Variants in TNKS1BP1 observed in about 807,000 individuals in gnomAD.
TNKS1BP1 encodes the protein CCR4-NOT transcription complex subunit 12.
In TNKS1BP1, 48 loss-of-function variants were observed where a neutral mutation model predicts 141.1. The ratio of observed to expected loss-of-function variants is 0.34; its 90% CI spans 0.27 to 0.43. The LOEUF is 0.43. TNKS1BP1 is among the 20% of genes least tolerant of loss of function. The pLI is 1.00. For missense variants in TNKS1BP1, 2,149 were observed against 2,226.0 expected, an observed-to-expected ratio of 0.97 and a Z score of 0.70; for synonymous variants, 875 against 898.2, an observed-to-expected ratio of 0.97 and a Z score of 0.46.
Position 57,308,898 on chromosome 11 carries a change from T to G in TNKS1BP1, c.3813A>C (p.Ser1271=), listed in dbSNP as rs374814404. 1.2e-6 allele frequency: 2 copies of G among 1,613,822 alleles called. No individual in the cohort carries two copies. The highest frequency in any genetic ancestry group is 2.7e-5 in the African/African-American group (2 of 75,004). Residue 1271 remains serine (S), a synonymous_variant, in exon 6 of 12, where the codon TCA becomes TCC. Transcript: ENST00000358252. ...CTGCCTGTCCAACTCCACGCTCCCT[T>G]GATTTAAGGAACTCTCCGGCCTCCA... The part of the protein sequence containing the change: ...SGVEAGEFLK[S]RERGVGQADW...
Position 57,317,878 on chromosome 11 carries a change from A to G in TNKS1BP1, c.738T>C (p.Pro246=). 1 of 1,613,858 alleles carries G rather than the reference A, an allele frequency of 6.2e-7. No individual in the cohort carries two copies. Among genetic ancestry groups the G allele is most frequent in the South Asian group, 1.1e-5 (1 of 91,074 alleles). The change falls in exon 4 of 12, where the codon CCT becomes CCC. Residue 246 remains proline (P), a synonymous_variant. Coordinates refer to ENST00000358252, the MANE Select transcript of TNKS1BP1 (RefSeq NM_033396.3). ...HSKTPEERSL[P]SDLAFNGDLA... is the part of the protein sequence containing the mutation. ...GGTCCCCGTTGAAGGCCAGGTCGGA[A>G]GGAAGGCTCCTGTGAGGGACGAGGA... is the stretch of plus-strand genomic sequence containing the variant.
chr11:57,303,065 C>G (rs1359966098), intron 6 of TNKS1BP1: 5 of 451,006 alleles, frequency 1.1e-5, no homozygotes, highest in African/African-American at 7.9e-5. Context: ...CCCCTGGAAA[C>G]AGCTCAGGCT....
chr11:57,322,227 C>A (rs1330658279), intron 1 of TNKS1BP1: 1 of 1,099,844 alleles, frequency 9.1e-7, no homozygotes, highest in African/African-American at 1.6e-5. Context: ...CTCCAAGACA[C>A]CCCACTTACA....
At chr11:57,307,351 C>T (rs951384342) in intron 6 of TNKS1BP1, among the ~76,000 whole-genome samples, 1 of 152,138 alleles carries the variant, frequency 6.6e-6, no homozygotes, top group Non-Finnish European at 1.5e-5. Flanking sequence ...TCAGTGGTTC[C>T]CTGTGCTCCG....
Position 57,309,548 on chromosome 11 carries a change from G to T in TNKS1BP1, c.3163C>A (p.Gln1055Lys). The T allele has an allele frequency of 6.2e-7, 1 of 1,613,340 alleles. No homozygotes were observed. Among genetic ancestry groups the T allele is most frequent in the Non-Finnish European group, 8.5e-7 (1 of 1,180,016 alleles). The change falls in exon 6 of 12, where the codon CAG becomes AAG. Residue 1055 changes from glutamine (Q) to lysine (K), a missense_variant. Coordinates refer to ENST00000358252, the MANE Select transcript of TNKS1BP1 (RefSeq NM_033396.3). The surrounding 1 kb of genome is among the most constrained non-coding windows in gnomAD (Gnocchi z 4.3). ...QSSWQNSDASQEVGGHQERQQ... is the reference protein window; with the variant it reads ...QSSWQNSDASKEVGGHQERQQ... ...CTCTCCTGATGCCCTCCCACCTCCT[G>T]GCTAGCATCACTGTTTTGCCAGCTG...
rs534545706 is a variant in TNKS1BP1, at chr11:57,302,928, T to A, written c.4317-103A>T. 3,403 of 1,349,300 alleles carry A rather than the reference T, an allele frequency of 2.5e-3. 8 individuals carry two copies. Among genetic ancestry groups the A allele is most frequent in the Non-Finnish European group, 3.1e-3 (3,154 of 1,027,998 alleles). The allele number at this position is 1,349,300 out of a possible 1,614,324, so 83.6% of individuals were successfully genotyped here. ...TTCCCCCAGCCCCCAAACTCTCCCTTGCCCTCCTTCCCATGCTTTTTCCAG... is the reference window on the plus strand; with the variant it reads ...TTCCCCCAGCCCCCAAACTCTCCCTAGCCCTCCTTCCCATGCTTTTTCCAG... On this transcript the variant is annotated intron_variant, in intron 6 of 11. Coordinates refer to ENST00000358252, the MANE Select transcript of TNKS1BP1 (RefSeq NM_033396.3). The surrounding 1 kb of genome is among the most constrained non-coding windows in gnomAD (Gnocchi z 5.5).
chr11:57,319,144 C>CAAA (rs558416849), intron 3 of TNKS1BP1, among the ~76,000 whole-genome samples: 3 of 64,278 alleles, frequency 4.7e-5, no homozygotes, highest in Admixed American at 1.7e-4. Flanking sequence ...GACTCCGTCT[C>CAAA]AAAAAAAAAA....
At chr11:57,303,298 C>T (rs935260827) in intron 6 of TNKS1BP1, 2 of 155,044 alleles carry the variant, frequency 1.3e-5, no homozygotes, top group African/African-American at 4.8e-5. Flanking sequence ...TCTTCAGCCC[C>T]CACGTTATGC....
chr11:57,321,744 T>TGCCACCCCCCC, intron 2 of TNKS1BP1, 48 bp downstream of exon 2: 2 of 1,039,820 alleles, frequency 1.9e-6, no homozygotes, highest in Non-Finnish European at 3.0e-6. Context: ...CCTCTGTCCT[T>TGCCACCCCCCC]CCCACCCCCC....
In TNKS1BP1 at chr11:57,300,508, G is replaced by C. The variant is rs1197901776; in HGVS notation, c.*12+20C>G. On this transcript the variant is annotated intron_variant, in intron 11 of 11. Transcript: ENST00000358252. ...CAGGCCCTCCTCAGACTGGATCCAA[G>C]CCCAGGAACCTGTCCTCACCTCAGT... 1.9e-6 allele frequency: 3 copies of C among 1,613,440 alleles called. No homozygotes were observed. Among genetic ancestry groups the C allele is most frequent in the South Asian group, 2.2e-5 (2 of 91,066 alleles).
intron 9 of TNKS1BP1, among the ~76,000 whole-genome samples, chr11:57,301,500 C>T (rs1219604615): frequency 6.6e-6 from 1 of 152,216 alleles, no homozygotes; most frequent in Non-Finnish European, 1.5e-5. Context: ...TTATCTGTGC[C>T]TCTCCTCAGG....
Position 57,308,613 on chromosome 11 carries a change from C to G in TNKS1BP1, c.4098G>C (p.Gly1366=). 5 of 1,613,938 alleles carry G rather than the reference C, an allele frequency of 3.1e-6. No individual in the cohort carries two copies. The highest frequency in any genetic ancestry group is 4.2e-6 in the Non-Finnish European group (5 of 1,179,980). ...FGAPSEAREH[G]VGGVSQCPEP... ...CTGGGCACTGGCTCACCCCGCCCAC[C>G]CCATGCTCCCTGGCTTCACTTGGAG... is the stretch of plus-strand genomic sequence containing the variant. Residue 1366 remains glycine (G), a synonymous_variant, in exon 6 of 12, where the codon GGG becomes GGC. Transcript: ENST00000358252.
chr11:57,312,986 G>A lies in TNKS1BP1; in HGVS notation c.1702C>T (p.Pro568Ser), dbSNP rs1376613640. 6.2e-7 allele frequency: 1 copy of A among 1,613,938 alleles called. No individual in the cohort carries two copies. The highest frequency in any genetic ancestry group is 1.1e-5 in the South Asian group (1 of 91,050). Reference protein sequence around the residue: ...GESQPQFPAVPLEPLPTTEGT... With the variant: ...GESQPQFPAVSLEPLPTTEGT... ...TCAGTTGTAGGCAGGGGCTCAAGGG[G>A]AACAGCTGGGAATTGAGGTTGACTC... Residue 568 changes from proline (P) to serine (S), a missense_variant, in exon 5 of 12, where the codon CCC (proline) becomes TCC (serine). Pro to Ser is a moderately conservative substitution (Grantham distance 74, BLOSUM62 -1). Transcript: ENST00000358252.
Position 57,320,270 on chromosome 11 carries a change from G to C in TNKS1BP1, c.537C>G (p.Pro179=). 6.2e-7 allele frequency: 1 copy of C among 1,614,152 alleles called. No individual in the cohort carries two copies. The highest frequency in any genetic ancestry group is 8.5e-7 in the Non-Finnish European group (1 of 1,180,024). ...EQPRKEVLAS[P]DRLWGSRLTF... The stretch of plus-strand genomic sequence containing the variant: ...TGAGGCGGGAACCCCACAGGCGGTC[G>C]GGGCTGGCAAGGACCTCCTTCCGAG... Residue 179 remains proline (P), a synonymous_variant, in exon 3 of 12, where the codon CCC becomes CCG. Transcript: ENST00000358252.
Position 57,309,576 on chromosome 11 carries a change from C to G in TNKS1BP1, c.3135G>C (p.Gln1045His), listed in dbSNP as rs991272161. 1 of 1,613,512 alleles carries G rather than the reference C, an allele frequency of 6.2e-7. No homozygotes were observed. Among genetic ancestry groups the G allele is most frequent in the Non-Finnish European group, 8.5e-7 (1 of 1,180,044 alleles). ...TAGCATCACTGTTTTGCCAGCTGCT[C>G]TGGTCTCTCTGCCCGAGTGCCCCAT... ...VPDGALGQRD[Q>H]SSWQNSDASQ... is the part of the protein sequence containing the mutation. The change falls in exon 6 of 12, where the codon CAG becomes CAC. Residue 1045 changes from glutamine (Q) to histidine (H), a missense_variant. By Grantham distance (24) the Gln-to-His change is conservative. Coordinates refer to ENST00000358252, the MANE Select transcript of TNKS1BP1 (RefSeq NM_033396.3). The surrounding 1 kb of genome is among the most constrained non-coding windows in gnomAD (Gnocchi z 4.3).
At chr11:57,306,558 G>A (rs141261764) in intron 6 of TNKS1BP1, among the ~76,000 whole-genome samples, 58 of 152,180 alleles carry the variant, frequency 3.8e-4, no homozygotes, top group African/African-American at 1.2e-3. Flanking sequence ...CAAGCCCCTC[G>A]AACTCCTCTC....
rs777704747 is a variant in TNKS1BP1, at chr11:57,309,361, G to C, written c.3350C>G (p.Ala1117Gly). The C allele has an allele frequency of 6.2e-7, 1 of 1,613,996 alleles. No homozygotes were observed. The highest frequency in any genetic ancestry group is 1.3e-5 in the African/African-American group (1 of 74,918). ...GCCAAACTGATAGCTCCTCTCACTG[G>C]CCTCGATGCAGAAGTCCCGGCTCCA... ...QDWSRDFCIE[A>G]SERSYQFGII... is the part of the protein sequence containing the mutation. The change falls in exon 6 of 12, where the codon GCC (alanine) becomes GGC (glycine). Residue 1117 changes from alanine (A) to glycine (G), a missense_variant. By Grantham distance (60) the Ala-to-Gly change is moderately conservative. Transcript: ENST00000358252. This position sits in a 1 kb window ranked among gnomAD's most constrained non-coding sequence, Gnocchi z 4.3.
chr11:57,314,997 C>T (rs1590591254), intron 4 of TNKS1BP1, among the ~76,000 whole-genome samples: 1 of 152,176 alleles, frequency 6.6e-6, no homozygotes, highest in South Asian at 2.1e-4. Context: ...GACCCTTACG[C>T]ACCCATCATT....
Position 57,320,269 on chromosome 11 carries a change from C to A in TNKS1BP1, c.538G>T (p.Asp180Tyr), listed in dbSNP as rs748049254. 1 of 1,614,190 alleles carries A rather than the reference C, an allele frequency of 6.2e-7. No homozygotes were observed. The highest frequency in any genetic ancestry group is 8.5e-7 in the Non-Finnish European group (1 of 1,180,038). Residue 180 changes from aspartate to tyrosine, a missense_variant, in exon 3 of 12, where the codon GAC (aspartate) becomes TAC (tyrosine). Coordinates refer to ENST00000358252, the MANE Select transcript of TNKS1BP1 (RefSeq NM_033396.3). Reference sequence around the variant, plus strand: ...GTGAGGCGGGAACCCCACAGGCGGTCGGGGCTGGCAAGGACCTCCTTCCGA... The same window carrying A: ...GTGAGGCGGGAACCCCACAGGCGGTAGGGGCTGGCAAGGACCTCCTTCCGA... ...QPRKEVLASP[D>Y]RLWGSRLTFN...
Sources: gnomAD v4.1 joint callset for allele counts (sites outside exome capture counted in the v4.1 genomes callset) on GRCh38, gnomAD v4.1.1 for gene constraint, Gnocchi (gnomAD v3.1) non-coding constraint, MANE v1.5 for transcripts, NCBI Gene and HGNC (gene_info 2026-07-23, HGNC 2026-07-21) for gene names.